Variants in FAM13A observed in about 807,000 individuals in gnomAD.
FAM13A encodes the protein protein FAM13A.
Under a neutral mutation model 129.6 loss-of-function variants are expected in FAM13A, and 76 were observed. That is an observed-to-expected ratio of 0.59 (90% CI 0.49 to 0.71). FAM13A has a LOEUF of 0.71. Ranked by LOEUF, FAM13A falls within the 30% of genes least tolerant of loss-of-function variation. FAM13A has a pLI of 0.00. For missense variants in FAM13A, 1,108 were observed against 1,249.3 expected (o/e 0.89, Z 1.70); for synonymous variants, 443 against 449.9 (o/e 0.98, Z 0.20).
At position 88,727,454 on chromosome 4, in the gene FAM13A, C is replaced by T. The variant is rs1286944442; in HGVS notation, c.*1079G>A. ...TTTTTTTTCTTTTTATACATGATCT[C>T]GAAAATAGTGTGATTTAGATTCTGC... is the stretch of plus-strand genomic sequence containing the variant. On this transcript the variant is annotated 3_prime_UTR_variant, in exon 24 of 24. Coordinates refer to ENST00000264344, the MANE Select transcript of FAM13A (RefSeq NM_014883.4). The T allele has an allele frequency of 6.6e-6, 1 of 152,446 alleles. No individual in the cohort carries two copies. Among genetic ancestry groups the T allele is most frequent in the African/African-American group, 2.4e-5 (1 of 41,380 alleles). 9.4% of individuals were successfully genotyped at this position (152,446 alleles called of 1,614,324 possible).
intron 6 of FAM13A, among the ~76,000 whole-genome samples, chr4:88,861,326 A>C (rs554429304): frequency 4.0e-5 from 6 of 150,406 alleles, no homozygotes; most frequent in Admixed American, 6.7e-5. Context: ...GGTTGCAATG[A>C]GCCAAGATCA....
rs761264708 is a variant in FAM13A at position 88,826,498 on chromosome 4, G to A, written c.1008-21446C>T. 5.3e-5 allele frequency among the ~76,000 whole-genome samples: 8 copies of A among 152,154 alleles called. 1 individual carries two copies. Among genetic ancestry groups the A allele is most frequent in the East Asian group, 1.9e-4 (1 of 5,186 alleles). On this transcript the variant is annotated intron_variant, in intron 7 of 23. Coordinates refer to ENST00000264344, the MANE Select transcript of FAM13A (RefSeq NM_014883.4). ...TGGTAACTAGTTATACTAAAAATTCGTAATACTTAAACTTAGTTTGAACCA... is the reference window on the plus strand; with the variant it reads ...TGGTAACTAGTTATACTAAAAATTCATAATACTTAAACTTAGTTTGAACCA...
intron 3 of FAM13A, among the ~76,000 whole-genome samples, chr4:89,019,761 C>CAAAAA (rs61682568): frequency 5.2e-5 from 3 of 57,758 alleles, no homozygotes; most frequent in African/African-American, 7.0e-5. Context: ...AACTACATCT[C>CAAAAA]AAAAAAAAAA....
chr4:89,011,090 C>T (rs1046456886), intron 3 of FAM13A, among the ~76,000 whole-genome samples: 1 of 152,102 alleles, frequency 6.6e-6, no homozygotes, highest in South Asian at 2.1e-4. Context: ...TCAGGTGATC[C>T]TCCCATCTCG....
intron 4 of FAM13A, among the ~76,000 whole-genome samples, chr4:88,941,816 C>T (rs1400028090): frequency 6.6e-6 from 1 of 152,148 alleles, no homozygotes; most frequent in African/African-American, 2.4e-5. Context: ...GTAGTTTGTG[C>T]TATGGCAGGG....
intron 5 of FAM13A, among the ~76,000 whole-genome samples, chr4:88,936,026 T>C (rs1753796591): frequency 6.6e-6 from 1 of 152,202 alleles, no homozygotes; most frequent in Admixed American, 6.6e-5. Context: ...TAGGCCGATC[T>C]GAAACTTACA....
Position 88,727,417 on chromosome 4 carries a change from C to G in FAM13A, c.*1116G>C, listed in dbSNP as rs1189542392. 1.3e-5 allele frequency: 2 copies of G among 152,584 alleles called. No homozygotes were observed. The highest frequency in any genetic ancestry group is 4.8e-5 in the African/African-American group (2 of 41,420). The allele number at this position is 152,584 out of a possible 1,614,324, so 9.5% of individuals were successfully genotyped here. A position where few individuals can be genotyped will look rare whatever the true frequency, so the allele number is the denominator to read the frequency against. ...TTGAAAAAAATTATAATTGGCCACACAGCATGACTTCTTTTTTTTCTTTTT... is the reference window on the plus strand; with the variant it reads ...TTGAAAAAAATTATAATTGGCCACAGAGCATGACTTCTTTTTTTTCTTTTT... On this transcript the variant is annotated 3_prime_UTR_variant, in exon 24 of 24. Transcript: ENST00000264344.
chr4:88,895,232 G>A (rs1283284892), intron 6 of FAM13A, among the ~76,000 whole-genome samples: 1 of 151,984 alleles, frequency 6.6e-6, no homozygotes, highest in Non-Finnish European at 1.5e-5. Context: ...GTTGATGCAT[G>A]GAAACCCATA....
chr4:89,039,903 C>T (rs1308911024), intron 1 of FAM13A, among the ~76,000 whole-genome samples: 4 of 151,274 alleles, frequency 2.6e-5, no homozygotes, highest in Admixed American at 6.6e-5. Flanking sequence ...CAGTGAGCTA[C>T]GATCACACCA....
chr4:89,037,572 C>T (rs1275722707), intron 1 of FAM13A, among the ~76,000 whole-genome samples: 2 of 152,088 alleles, frequency 1.3e-5, no homozygotes, highest in African/African-American at 4.8e-5. Flanking sequence ...AATTAAGACT[C>T]GGGGGACTGC....
intron 4 of FAM13A, among the ~76,000 whole-genome samples, chr4:88,984,967 C>G (rs1418388848): frequency 6.6e-6 from 1 of 152,140 alleles, no homozygotes; most frequent in African/African-American, 2.4e-5. Flanking sequence ...ACACATAATT[C>G]TACACATGAC....
At chr4:89,027,647 T>A (rs1394400669) in intron 2 of FAM13A, among the ~76,000 whole-genome samples, 1 of 152,150 alleles carries the variant, frequency 6.6e-6, no homozygotes, top group Non-Finnish European at 1.5e-5. Context: ...AAGAAGCACT[T>A]CATGGCTTCT....
chr4:88,726,488 C>CATT lies in FAM13A; in HGVS notation c.*2042_*2044dup, dbSNP rs752196019. ...GATTCCAAAACAATTAGTAGCATCT[C>CATT]ATTTATTTGTAGCTTAAAAAAAAAT... On this transcript the variant is annotated 3_prime_UTR_variant, in exon 24 of 24. Transcript: ENST00000264344. The CATT allele has an allele frequency of 1.5e-4, 23 of 152,620 alleles. No homozygotes were observed. The East Asian group carries it at 4.2e-3, about 28-fold the overall frequency. 9.5% of individuals were successfully genotyped at this position (152,620 alleles called of 1,614,324 possible). A position where few individuals can be genotyped will look rare whatever the true frequency, so the allele number is the denominator to read the frequency against.
chr4:88,755,761 A>T (rs1346192391), intron 14 of FAM13A, among the ~76,000 whole-genome samples: 1 of 152,224 alleles, frequency 6.6e-6, no homozygotes, highest in Non-Finnish European at 1.5e-5. Flanking sequence ...ATTTTCAACA[A>T]GCAGTAAGTG....
intron 5 of FAM13A, among the ~76,000 whole-genome samples, chr4:88,909,005 C>G (rs575963999): frequency 4.6e-5 from 7 of 152,102 alleles, no homozygotes; most frequent in Non-Finnish European, 1.0e-4. Flanking sequence ...TTAATGTATT[C>G]TTTTAAAATA....
intron 19 of FAM13A, 150 bp from the exon 20 acceptor site, chr4:88,739,275 A>C (rs992191662): frequency 1.6e-6 from 1 of 618,380 alleles, no homozygotes; most frequent in African/African-American, 1.9e-5. Flanking sequence ...TTAAACTGAT[A>C]ATATTATTTA....
chr4:88,954,026 A>C (rs1757353127), intron 4 of FAM13A, among the ~76,000 whole-genome samples: 1 of 152,198 alleles, frequency 6.6e-6, no homozygotes. Context: ...AAGTGTTTGG[A>C]AATGATAAAC....
At chr4:88,769,357 A>T (rs1274966525) in intron 11 of FAM13A, among the ~76,000 whole-genome samples, 1 of 152,214 alleles carries the variant, frequency 6.6e-6, no homozygotes, top group Non-Finnish European at 1.5e-5. Context: ...AAAGGGAGAT[A>T]ATATAACATA....
At chr4:88,821,606 T>C (rs1167336697) in intron 7 of FAM13A, among the ~76,000 whole-genome samples, 7 of 152,166 alleles carry the variant, frequency 4.6e-5, no homozygotes, top group African/African-American at 1.4e-4. Context: ...TTATCTAGAA[T>C]ACAATTCGCT....
Sources: gnomAD v4.1 joint callset for allele counts (sites outside exome capture counted in the v4.1 genomes callset) on GRCh38, gnomAD v4.1.1 for gene constraint, MANE v1.5 for transcripts, NCBI Gene and HGNC (gene_info 2026-07-23, HGNC 2026-07-21) for gene names.